CEP104: variants seen among roughly 807,000 people sequenced by gnomAD.
CEP104 encodes the protein centrosomal protein 104, also known as centrosomal protein of 104 kDa.
Under a neutral mutation model 113.3 loss-of-function variants are expected in CEP104, and 84 were observed. The ratio of observed to expected loss-of-function variants is 0.74; its 90% CI spans 0.62 to 0.89. The LOEUF is 0.89. Among genes scored for constraint, CEP104 ranks in the 40% least tolerant of loss-of-function variants. The probability of loss-of-function intolerance (pLI) is 0.00; values close to 1 mark genes in which losing one functional copy is unlikely to be tolerated. For missense variants in CEP104, 1,053 were observed against 1,156.6 expected (o/e 0.91, Z 1.30); for synonymous variants, 378 against 421.7 (o/e 0.90, Z 1.27).
chr1:3,854,380 C>T (rs1644671565), intron 1 of CEP104, among the ~76,000 whole-genome samples: 2 of 152,194 alleles, frequency 1.3e-5, no homozygotes, highest in African/African-American at 4.8e-5. Context: ...CTGACCCTCA[C>T]TTCTTGTCCT....
rs144273974 is a variant in CEP104, at chr1:3,824,666, C to T, written c.2364+1092G>A. ...AACAGATGGACAACCCGAGGGAAAC[C>T]GGTGAGAAACCAGGTGCTTTGCAGG... On this transcript the variant is annotated intron_variant, in intron 18 of 21. Transcript: ENST00000378230. Among the ~76,000 whole-genome samples, 10 of 152,244 alleles carry T rather than the reference C, an allele frequency of 6.6e-5. No homozygotes were observed. In the East Asian group the frequency reaches 1.5e-3, roughly 24 times the overall value.
intron 20 of CEP104, among the ~76,000 whole-genome samples, chr1:3,817,559 A>G (rs1465936622): frequency 6.6e-6 from 1 of 152,160 alleles, no homozygotes; most frequent in African/African-American, 2.4e-5. Flanking sequence ...TGCTCCCGGC[A>G]GGCCTGGGTT....
chr1:3,831,032 C>G lies in CEP104; in HGVS notation c.1836+14G>C. ...GCTGGGCCGCGTGGTGTGTCACACG[C>G]GAGGTCTGCTTACCTTCATCACGTT... On this transcript the variant is annotated intron_variant, in intron 13 of 21. Coordinates refer to ENST00000378230, the MANE Select transcript of CEP104 (RefSeq NM_014704.4). 1 of 1,609,818 alleles carries G rather than the reference C, an allele frequency of 6.2e-7. No homozygotes were observed. Among genetic ancestry groups the G allele is most frequent in the Non-Finnish European group, 8.5e-7 (1 of 1,177,612 alleles).
intron 3 of CEP104, among the ~76,000 whole-genome samples, chr1:3,848,292 G>A (rs1231407456): frequency 6.6e-6 from 1 of 152,022 alleles, no homozygotes; most frequent in African/African-American, 2.4e-5. Flanking sequence ...CAGCACTTTG[G>A]GAGGTCGAGG....
In CEP104 at chr1:3,813,986, T is replaced by C. The variant is rs1331337940; in HGVS notation, c.*1416A>G. The stretch of plus-strand genomic sequence containing the variant: ...GAGATTAATTCATGCAAATTTATGG[T>C]TATTAATGTATCCAGGCCAGGGAGT... On this transcript the variant is annotated 3_prime_UTR_variant, in exon 22 of 22. Transcript: ENST00000378230. 6.6e-6 allele frequency: 1 copy of C among 152,222 alleles called. No individual in the cohort carries two copies. Among genetic ancestry groups the C allele is most frequent in the Non-Finnish European group, 1.5e-5 (1 of 68,040 alleles). The allele number at this position is 152,222 out of a possible 1,614,324, so 9.4% of individuals were successfully genotyped here.
intron 1 of CEP104, among the ~76,000 whole-genome samples, chr1:3,855,250 T>C (rs1391734251): frequency 1.3e-5 from 2 of 149,478 alleles, no homozygotes; most frequent in Non-Finnish European, 3.0e-5. Flanking sequence ...GGCGTGATCA[T>C]AGCTCACTGT....
chr1:3,823,329 C>A lies in CEP104; in HGVS notation c.2504-88G>T, dbSNP rs1644017381. On this transcript the variant is annotated intron_variant, in intron 19 of 21. Coordinates refer to ENST00000378230, the MANE Select transcript of CEP104 (RefSeq NM_014704.4). The surrounding 1 kb of genome is among the most constrained non-coding windows in gnomAD (Gnocchi z 4.1). ...GCCTGCCCGCAGGTGCCCTTTAATTCACCAAGCCCTTGCACAGGCTCAAGA... is the reference window on the plus strand; with the variant it reads ...GCCTGCCCGCAGGTGCCCTTTAATTAACCAAGCCCTTGCACAGGCTCAAGA... 2.5e-6 allele frequency: 4 copies of A among 1,610,298 alleles called. No homozygotes were observed. The South Asian group carries it at 4.4e-5, about 18-fold the overall frequency.
At chr1:3,841,157 C>T (rs887514054) in intron 6 of CEP104, among the ~76,000 whole-genome samples, 3 of 152,148 alleles carry the variant, frequency 2.0e-5, no homozygotes, top group African/African-American at 2.4e-5. Flanking sequence ...CTGCTTACGG[C>T]GACTTGAACA....
At chr1:3,836,882 G>A in intron 9 of CEP104, 190 bp from the exon 10 acceptor site, 2 of 582,050 alleles carry the variant, frequency 3.4e-6, no homozygotes, top group South Asian at 2.3e-5. Context: ...GATTAGATGA[G>A]GCTTTCTATT....
rs941425132 is a variant in CEP104, at chr1:3,821,936, T to C, written c.2571+1238A>G. On this transcript the variant is annotated intron_variant, in intron 20 of 21. Transcript: ENST00000378230. ...CGGTAATCAGATGCTTCTGACCTGATGAGATGGCGGCAATGTGACTGACGT... is the reference window on the plus strand; with the variant it reads ...CGGTAATCAGATGCTTCTGACCTGACGAGATGGCGGCAATGTGACTGACGT... 3.3e-5 allele frequency among the ~76,000 whole-genome samples: 5 copies of C among 152,134 alleles called. No homozygotes were observed. The South Asian group carries it at 1.0e-3, about 32-fold the overall frequency.
Position 3,835,032 on chromosome 1 carries a change from T to C in CEP104, c.1378A>G (p.Lys460Glu), listed in dbSNP as rs1180770968. ...YREDALLALS[K>E]KLMEMPVGTP... ...CCAACAGGCATTTCCATTAACTTCT[T>C]AGACAAGGCAAGCAGTGCATCCTCT... The change falls in exon 11 of 22, where the codon AAG (lysine) becomes GAG (glutamate). Residue 460 changes from lysine (K) to glutamate (E), a missense_variant. Transcript: ENST00000378230. 6.2e-7 allele frequency: 1 copy of C among 1,613,960 alleles called. No homozygotes were observed. The highest frequency in any genetic ancestry group is 8.5e-7 in the Non-Finnish European group (1 of 1,180,020).
intron 14 of CEP104, 25 bp from the exon 15 acceptor site, chr1:3,829,398 TA>T (rs760138419): frequency 6.4e-7 from 1 of 1,562,394 alleles, no homozygotes; most frequent in South Asian, 1.1e-5. Context: ...ATTTTTCCAT[TA>T]GAACAGCTTG....
Position 3,847,474 on chromosome 1 carries a change from C to T in CEP104, c.426+1G>A. The T allele has an allele frequency of 1.3e-6, 2 of 1,592,922 alleles. No homozygotes were observed. The highest frequency in any genetic ancestry group is 1.7e-6 in the Non-Finnish European group (2 of 1,170,482). On this transcript the variant is annotated splice_donor_variant, in intron 4 of 21. Coordinates refer to ENST00000378230, the MANE Select transcript of CEP104 (RefSeq NM_014704.4). LOFTEE classifies it high-confidence loss of function. ...CAAAGGCGAAGCTGCATGCATCTTA[C>T]CTGATTATATATGTTGTATTTGTTG...
rs754362712 is a variant in CEP104 at position 3,823,104 on chromosome 1, ACT to A, written c.2571+68_2571+69del. Reference sequence around the variant, plus strand: ...GCTATGGTCCCGCACTGACACCACCACTGTCACCACCACTGCCATCCACAGGT... The same window carrying A: ...GCTATGGTCCCGCACTGACACCACCAGTCACCACCACTGCCATCCACAGGT... On this transcript the variant is annotated intron_variant, in intron 20 of 21. Transcript: ENST00000378230. The surrounding 1 kb of genome is among the most constrained non-coding windows in gnomAD (Gnocchi z 4.1). The A allele has an allele frequency of 4.3e-6, 6 of 1,406,700 alleles. No individual in the cohort carries two copies. Among genetic ancestry groups the A allele is most frequent in the South Asian group, 1.1e-5 (1 of 86,970 alleles). The allele number at this position is 1,406,700 out of a possible 1,614,324, so 87.1% of individuals were successfully genotyped here. A position where few individuals can be genotyped will look rare whatever the true frequency, so the allele number is the denominator to read the frequency against.
chr1:3,832,809 T>C (rs185967800), intron 12 of CEP104, among the ~76,000 whole-genome samples: 1 of 152,196 alleles, frequency 6.6e-6, no homozygotes, highest in Non-Finnish European at 1.5e-5. Flanking sequence ...GCCTTCCAAG[T>C]AGCTGGGACT....
At position 3,829,289 on chromosome 1, in the gene CEP104, T is replaced by G. The variant is rs142507755; in HGVS notation, c.2128A>C (p.Lys710Gln). ...KALQGQLAAL[K>Q]EIQAEVQEKE... is the part of the protein sequence containing the mutation. ...ACCTGAACTTCAGCCTGAATTTCTTTCAGTGCTGCCAGCTGCCCTTGTAAA... is the reference window on the plus strand; with the variant it reads ...ACCTGAACTTCAGCCTGAATTTCTTGCAGTGCTGCCAGCTGCCCTTGTAAA... The change falls in exon 15 of 22, where the codon AAA (lysine) becomes CAA (glutamine). Residue 710 changes from lysine to glutamine, a missense_variant. Coordinates refer to ENST00000378230, the MANE Select transcript of CEP104 (RefSeq NM_014704.4). 2.3e-5 allele frequency: 37 copies of G among 1,584,576 alleles called. No individual in the cohort carries two copies. In the African/African-American group the frequency reaches 4.9e-4, roughly 21 times the overall value.
rs780579879 is a variant in CEP104, at chr1:3,829,894, T to C, written c.1940A>G (p.Tyr647Cys). The change falls in exon 14 of 22, where the codon TAC becomes TGC. Residue 647 changes from tyrosine to cysteine, a missense_variant. Tyr to Cys is a radical substitution (Grantham distance 194). Coordinates refer to ENST00000378230, the MANE Select transcript of CEP104 (RefSeq NM_014704.4). Reference sequence around the variant, plus strand: ...TGTGTTGCTGTCGTCTGGAGGAAGGTACTCCAGGATGGAAGCCTGGTGCTG... The same window carrying C: ...TGTGTTGCTGTCGTCTGGAGGAAGGCACTCCAGGATGGAAGCCTGGTGCTG... Reference protein sequence around the residue: ...YRQHQASILEYLPPDDSNTRR... With the variant: ...YRQHQASILECLPPDDSNTRR... The C allele has an allele frequency of 6.2e-7, 1 of 1,614,112 alleles. No individual in the cohort carries two copies. The highest frequency in any genetic ancestry group is 1.1e-5 in the South Asian group (1 of 91,074).
intron 6 of CEP104, among the ~76,000 whole-genome samples, chr1:3,842,946 C>T (rs931562100): frequency 1.3e-5 from 2 of 152,118 alleles, no homozygotes; most frequent in Non-Finnish European, 2.9e-5. Flanking sequence ...CGCCACCACG[C>T]CTGGCTAATT....
At chr1:3,839,988 G>A (rs1408730685) in intron 6 of CEP104, among the ~76,000 whole-genome samples, 2 of 152,122 alleles carry the variant, frequency 1.3e-5, no homozygotes, top group East Asian at 3.9e-4. Flanking sequence ...CAAAGCTCAC[G>A]CTCTTGACCA....
Sources: allele counts gnomAD v4.1 joint callset (sites outside exome capture counted in the v4.1 genomes callset), GRCh38; gene constraint gnomAD v4.1.1; non-coding constraint Gnocchi (gnomAD v3.1); transcripts MANE v1.5; gene names NCBI Gene and HGNC (gene_info 2026-07-23, HGNC 2026-07-21).